GNE: variants seen among roughly 807,000 people sequenced by gnomAD.
The protein encoded by GNE is bifunctional UDP-N-acetylglucosamine 2-epimerase/N-acetylmannosamine kinase.
In GNE, 41 loss-of-function variants were observed where a neutral mutation model predicts 61.8. The observed-to-expected ratio is 0.66, with a 90% confidence interval of 0.52 to 0.86. The LOEUF is 0.86. GNE is among the 40% of genes least tolerant of loss of function. The pLI is 0.00. For synonymous variants in GNE, 264 were observed against 326.4 expected (o/e 0.81, Z 2.06); for missense variants, 608 against 909.1 (o/e 0.67, Z 4.26).
In GNE at chr9:36,217,446, C is replaced by G. The variant is rs770304523; in HGVS notation, c.2088G>C (p.Val696=). The G allele has an allele frequency of 1.1e-5, 17 of 1,614,044 alleles. No individual in the cohort carries two copies. The change falls in exon 12 of 12, where the codon GTG becomes GTC. Residue 696 remains valine, a synonymous_variant. Transcript: ENST00000642385. ...QALSSVQDVD[V]VVSDLVDPAL... ...CGGGGTCAACCAAATCCGAAACCAC[C>G]ACATCCACGTCCTGCACGGAGGACA... is the stretch of plus-strand genomic sequence containing the variant.
intron 1 of GNE, among the ~76,000 whole-genome samples, chr9:36,263,895 A>G (rs1232934071): frequency 1.3e-5 from 2 of 152,200 alleles, no homozygotes; most frequent in Non-Finnish European, 2.9e-5. Context: ...TAATTAGCTA[A>G]TGTGCATGTT....
intron 1 of GNE, among the ~76,000 whole-genome samples, chr9:36,267,541 C>G (rs1382012346): frequency 2.0e-5 from 3 of 151,798 alleles, no homozygotes; most frequent in South Asian, 2.1e-4. Flanking sequence ...TACTAAAATA[C>G]GAAAATTAGT....
intron 6 of GNE, 85 bp downstream of exon 6, chr9:36,228,936 T>C (rs771742572): frequency 1.2e-6 from 1 of 851,504 alleles, no homozygotes; most frequent in Non-Finnish European, 2.1e-6. Context: ...TCTGTTAGGA[T>C]GATTAAACAG....
At chr9:36,238,817 A>G (rs910782630) in intron 3 of GNE, among the ~76,000 whole-genome samples, 1 of 152,168 alleles carries the variant, frequency 6.6e-6, no homozygotes, top group African/African-American at 2.4e-5. Flanking sequence ...GCCTAAGCCA[A>G]TGTCTAGAAG....
Position 36,255,270 on chromosome 9 carries a change from C to T in GNE, c.-43+3051G>A, listed in dbSNP as rs146297048. Among the ~76,000 whole-genome samples, 1,024 of 151,908 alleles carry T rather than the reference C, an allele frequency of 6.7e-3. 15 individuals are homozygous for T. The highest frequency in any genetic ancestry group is 0.022 in the African/African-American group (933 of 41,468). On this transcript the variant is annotated intron_variant, in intron 1 of 11. Transcript: ENST00000642385. ...TTGCCCAGGCTGGAGTGCAGTGGTG[C>T]GACCTCAGCTCACTGTAACCTCCAC...
Position 36,228,812 on chromosome 9 carries a change from AAG to A in GNE, c.1070+207_1070+208del, listed in dbSNP as rs370493584. On this transcript the variant is annotated intron_variant, in intron 6 of 11. Coordinates refer to ENST00000642385, the MANE Select transcript of GNE (RefSeq NM_005476.7). ...CCATCTCAAAAAAAAAAAAAAAAAA[AAG>A]AAATAAAATATGTATTCTACATTGG... Among the ~76,000 whole-genome samples, 66 of 150,420 alleles carry A rather than the reference AAG, an allele frequency of 4.4e-4. 2 individuals are homozygous for A. The highest frequency in any genetic ancestry group is 5.9e-5 in the Non-Finnish European group (4 of 67,446).
chr9:36,228,933 G>C (rs958748841), intron 6 of GNE, 88 bp downstream of exon 6: 2 of 844,024 alleles, frequency 2.4e-6, no homozygotes, highest in African/African-American at 3.3e-5. Context: ...AGCTCTGTTA[G>C]GATGATTAAA....
chr9:36,230,203 A>G (rs565524510), intron 5 of GNE, among the ~76,000 whole-genome samples: 1 of 152,304 alleles, frequency 6.6e-6, no homozygotes, highest in African/African-American at 2.4e-5. Flanking sequence ...TTGGCCTCCC[A>G]AAGTGCTAGG....
At chr9:36,247,109 T>C (rs555125634) in intron 2 of GNE, among the ~76,000 whole-genome samples, 81 of 152,054 alleles carry the variant, frequency 5.3e-4, no homozygotes, top group African/African-American at 1.6e-3. Flanking sequence ...CAGGCTGGGG[T>C]GCAGTGGTGC....
rs1464155452 is a variant in GNE, at chr9:36,216,235, A to G, written c.*1130T>C. ...AAAAACAATAAAGCTGTTTTAAAAA[A>G]AAGTGTACTTAAGCCCTTCCTGGTA... On this transcript the variant is annotated 3_prime_UTR_variant, in exon 12 of 12. Coordinates refer to ENST00000642385, the MANE Select transcript of GNE (RefSeq NM_005476.7). The G allele has an allele frequency of 4.4e-6, 2 of 453,968 alleles. No individual in the cohort carries two copies. Among genetic ancestry groups the G allele is most frequent in the African/African-American group, 4.0e-5 (2 of 50,006 alleles). 28.1% of individuals were successfully genotyped at this position (453,968 alleles called of 1,614,324 possible).
intron 7 of GNE, 91 bp from the exon 8 acceptor site, chr9:36,223,593 C>A: frequency 7.5e-7 from 1 of 1,341,890 alleles, no homozygotes; most frequent in Non-Finnish European, 1.1e-6. Flanking sequence ...AAATTAGACA[C>A]TGCTATAGGA....
chr9:36,238,400 G>A (rs151302581), intron 3 of GNE, among the ~76,000 whole-genome samples: 2 of 152,172 alleles, frequency 1.3e-5, no homozygotes, highest in African/African-American at 2.4e-5. Flanking sequence ...CCACATCCAC[G>A]CCAGCATCTA....
At chr9:36,227,896 C>T (rs1462007470) in intron 6 of GNE, among the ~76,000 whole-genome samples, 4 of 151,686 alleles carry the variant, frequency 2.6e-5, no homozygotes, top group African/African-American at 4.8e-5. Flanking sequence ...ATTAGCCAGG[C>T]GTTGTGGGTG....
chr9:36,228,793 C>CAAAA (rs71336431), intron 6 of GNE, among the ~76,000 whole-genome samples: 13 of 72,524 alleles, frequency 1.8e-4, no homozygotes, highest in Non-Finnish European at 2.2e-4. Flanking sequence ...GAGTCCATCT[C>CAAAA]AAAAAAAAAA....
chr9:36,235,748 G>T (rs1271118841), intron 4 of GNE, among the ~76,000 whole-genome samples: 1 of 152,124 alleles, frequency 6.6e-6, no homozygotes, highest in Non-Finnish European at 1.5e-5. Flanking sequence ...TAACAGAAAA[G>T]ATTCTTCAAG....
chr9:36,257,801 TCAAAAAAAA>T (rs1459688897), intron 1 of GNE, among the ~76,000 whole-genome samples: 1 of 5,362 alleles, frequency 1.9e-4, no homozygotes, highest in African/African-American at 7.1e-4. Context: ...AGACTCAGTC[TCAAAAAAAA>T]AAAAAAAAAA....
At chr9:36,274,913 A>G (rs1045241780) in intron 1 of GNE, among the ~76,000 whole-genome samples, 2 of 151,934 alleles carry the variant, frequency 1.3e-5, no homozygotes, top group Non-Finnish European at 2.9e-5. Context: ...TTTAGTAGAG[A>G]CGGGGTTTCA....
chr9:36,229,053 T>C lies in GNE; in HGVS notation c.1038A>G (p.Ala346=). ...ACTGTTTACCAAACTGAAGGTGCAG[T>C]GCTTGCAATATTTTGTCTTGGGTGT... ...DADTQDKILQ[A]LHLQFGKQYP... is the part of the protein sequence containing the mutation. Residue 346 remains alanine (A), a synonymous_variant, in exon 6 of 12, where the codon GCA becomes GCG. Transcript: ENST00000642385. 6.2e-7 allele frequency: 1 copy of C among 1,611,224 alleles called. No homozygotes were observed.
intron 3 of GNE, among the ~76,000 whole-genome samples, chr9:36,242,759 A>C (rs1413761517): frequency 3.1e-5 from 3 of 95,250 alleles, no homozygotes; most frequent in Non-Finnish European, 5.8e-5. Flanking sequence ...TTTTTTTGAG[A>C]TGGAGTCTCG....
Sources: allele counts gnomAD v4.1 joint callset (sites outside exome capture counted in the v4.1 genomes callset), GRCh38; gene constraint gnomAD v4.1.1; transcripts MANE v1.5; gene names NCBI Gene and HGNC (gene_info 2026-07-23, HGNC 2026-07-21).